The following MKLN1 variants were observed in gnomAD, a reference collection of about 807,000 sequenced individuals.
MKLN1 encodes the protein muskelin 1.
A neutral mutation model predicts 99.0 loss-of-function variants in MKLN1; 18 were observed. The observed-to-expected ratio is 0.18, with a 90% CI of 0.13 to 0.27. The LOEUF is 0.27. MKLN1 is among the 10% of genes least tolerant of loss of function. The pLI, the probability that MKLN1 is intolerant of heterozygous loss-of-function variation, is 1.00. For missense variants in MKLN1, 621 were observed against 875.9 expected (o/e 0.71, Z 3.67); for synonymous variants, 288 against 293.2 (o/e 0.98, Z 0.18).
At chr7:131,138,160 G>T (rs1047063212) in intron 1 of MKLN1, among the ~76,000 whole-genome samples, 1 of 148,372 alleles carries the variant, frequency 6.7e-6, no homozygotes, top group African/African-American at 2.5e-5. Context: ...CCAAACCTCG[G>T]GTGATCTACC....
At chr7:131,110,109 G>C (rs1795167852), upstream of MKLN1, 2 of 270,092 alleles carry the variant, frequency 7.4e-6, no homozygotes, top group Admixed American at 5.6e-5. Flanking sequence ...CTGATCCTCC[G>C]GTAGCGAAGG....
chr7:131,116,045 C>A (rs1222536793), intron 1 of MKLN1, among the ~76,000 whole-genome samples: 1 of 152,148 alleles, frequency 6.6e-6, no homozygotes, highest in Non-Finnish European at 1.5e-5. Context: ...GTGGCTCACG[C>A]CTGTAATCCC....
chr7:131,346,210 A>G (rs531512361), intron 1 of MKLN1, among the ~76,000 whole-genome samples: 3 of 152,362 alleles, frequency 2.0e-5, no homozygotes, highest in South Asian at 2.1e-4. Flanking sequence ...AAGAACACAT[A>G]TAACAACTTT....
At chr7:131,233,373 AAAAT>A (rs71966796) in intron 3 of MKLN1, among the ~76,000 whole-genome samples, 9,483 of 142,442 alleles carry the variant, frequency 0.067, 826 homozygotes, top group African/African-American at 0.21. Flanking sequence ...CTGTCTCCAA[AAAAT>A]AAATAAATAA....
chr7:131,242,277 T>A (rs6963726), intron 3 of MKLN1, among the ~76,000 whole-genome samples: 4 of 152,034 alleles, frequency 2.6e-5, no homozygotes, highest in African/African-American at 9.7e-5. Context: ...GGCTCACGCC[T>A]GTAATCCCAG....
At chr7:131,225,229 C>T (rs1358628500) in intron 3 of MKLN1, among the ~76,000 whole-genome samples, 3 of 152,156 alleles carry the variant, frequency 2.0e-5, no homozygotes, top group Non-Finnish European at 2.9e-5. Context: ...ATGGCAGATT[C>T]GGTGTCTGGT....
At chr7:131,332,844 G>A (rs1204945840) in intron 1 of MKLN1, among the ~76,000 whole-genome samples, 1 of 151,798 alleles carries the variant, frequency 6.6e-6, no homozygotes, top group Non-Finnish European at 1.5e-5. Flanking sequence ...GTTCACTGCA[G>A]CCTCGACCTC....
intron 1 of MKLN1, among the ~76,000 whole-genome samples, chr7:131,121,527 A>C (rs550801994): frequency 6.6e-6 from 1 of 150,616 alleles, no homozygotes; most frequent in Admixed American, 6.7e-5. Flanking sequence ...AGTCCCAGCT[A>C]CTCGGGAGGC....
intron 11 of MKLN1, among the ~76,000 whole-genome samples, chr7:131,445,418 G>A (rs936734486): frequency 1.3e-5 from 2 of 151,884 alleles, no homozygotes; most frequent in East Asian, 1.9e-4. Context: ...CTCTATTCTC[G>A]CTCTCGCTTG....
chr7:131,134,084 C>T (rs148328472), intron 1 of MKLN1, among the ~76,000 whole-genome samples: 2,833 of 152,130 alleles, frequency 0.019, 97 homozygotes, highest in African/African-American at 0.064. Context: ...CCTGCCTCGG[C>T]CTCCCAAAGT....
intron 1 of MKLN1, among the ~76,000 whole-genome samples, chr7:131,337,773 A>C (rs1251755045): frequency 4.0e-5 from 6 of 150,610 alleles, no homozygotes; most frequent in African/African-American, 1.5e-4. Context: ...TATATATTCT[A>C]TTGTATATTA....
chr7:131,234,271 C>G (rs528377506), intron 3 of MKLN1, among the ~76,000 whole-genome samples: 1 of 152,092 alleles, frequency 6.6e-6, no homozygotes, highest in Non-Finnish European at 1.5e-5. Context: ...TGAGACACCA[C>G]GCCCGGCCTT....
intron 2 of MKLN1, among the ~76,000 whole-genome samples, chr7:131,151,183 T>C (rs1260749110): frequency 1.3e-5 from 2 of 152,250 alleles, no homozygotes; most frequent in Non-Finnish European, 2.9e-5. Flanking sequence ...TCTCTGCATA[T>C]CCGAAAATCG....
chr7:131,217,677 G>A (rs1408757689), intron 3 of MKLN1, among the ~76,000 whole-genome samples: 7 of 152,326 alleles, frequency 4.6e-5, no homozygotes, highest in South Asian at 2.1e-4. Context: ...CAGCCTGGGC[G>A]AAAGAGTGAA....
chr7:131,473,109 T>C (rs1796872211), intron 16 of MKLN1, among the ~76,000 whole-genome samples: 1 of 152,198 alleles, frequency 6.6e-6, no homozygotes, highest in Non-Finnish European at 1.5e-5. Flanking sequence ...TATTTAACTT[T>C]TAAAATGTTT....
intron 13 of MKLN1, 150 bp from the exon 14 acceptor site, chr7:131,464,144 G>C: frequency 2.1e-6 from 1 of 487,550 alleles, no homozygotes; most frequent in Admixed American, 3.3e-5. Flanking sequence ...AATTCCGATT[G>C]TTTTATGAAT....
At chr7:131,132,941 AAAAAAAAAAGAAAGAAAGAAAG>A (rs1238755873) in intron 1 of MKLN1, among the ~76,000 whole-genome samples, 4 of 135,214 alleles carry the variant, frequency 3.0e-5, no homozygotes, top group African/African-American at 1.1e-4. Context: ...AAAAAAAAAA[AAAAAAAAAAGAAAGAAAGAAAG>A]AAAGAAAGAA....
At chr7:131,473,575 T>C (rs1484312088) in intron 16 of MKLN1, among the ~76,000 whole-genome samples, 1 of 152,186 alleles carries the variant, frequency 6.6e-6, no homozygotes, top group South Asian at 2.1e-4. Context: ...CCTAATCAAT[T>C]ATACCACTTT....
chr7:131,473,380 G>A (rs1796882018), intron 16 of MKLN1, among the ~76,000 whole-genome samples: 1 of 151,504 alleles, frequency 6.6e-6, no homozygotes, highest in South Asian at 2.1e-4. Flanking sequence ...TTTTTTCACA[G>A]TTGTTATGAT....
Sources: allele counts gnomAD v4.1 joint callset (sites outside exome capture counted in the v4.1 genomes callset), GRCh38; gene constraint gnomAD v4.1.1; transcripts MANE v1.5; gene names NCBI Gene and HGNC (gene_info 2026-07-23, HGNC 2026-07-21).